MTMR10: variants seen among roughly 807,000 people sequenced by gnomAD.
MTMR10 encodes myotubularin related protein 10, also known as myotubularin-related protein 10.
Under a neutral mutation model 88.1 loss-of-function variants are expected in MTMR10, and 56 were observed. That is an observed-to-expected ratio of 0.64 (90% CI 0.51 to 0.79). The LOEUF (loss-of-function observed/expected upper bound fraction) is 0.79. Ranked by LOEUF, MTMR10 falls within the 30% of genes least tolerant of loss-of-function variation. The pLI is 0.00. For synonymous variants in MTMR10, 380 were observed against 340.9 expected (o/e 1.11, Z -1.26); for missense variants, 883 against 924.7 (o/e 0.95, Z 0.58).
At position 30,970,595 on chromosome 15, in the gene MTMR10, A is replaced by C. The variant is rs3794599; in HGVS notation, c.475-2585T>G. Among the ~76,000 whole-genome samples the C allele has an allele frequency of 1.6e-3, 250 of 152,292 alleles. 3 individuals are homozygous for C. The East Asian group carries it at 0.042, about 26-fold the overall frequency. ...AAAATGCTCCAAGCCAATAATAATA[A>C]TACTAATGTCTATCACATTCTCCAA... On this transcript the variant is annotated intron_variant, in intron 5 of 15. Transcript: ENST00000435680.
At chr15:30,929,180 A>G in the MTMR10 span, 3 of 1,606,484 alleles carry the variant, frequency 1.9e-6, no homozygotes, top group South Asian at 3.3e-5. Flanking sequence ...ACAGTATGAC[A>G]GCTTGCTTTC....
At chr15:30,966,737 A>G (rs536919533) in intron 6 of MTMR10, among the ~76,000 whole-genome samples, 1 of 152,256 alleles carries the variant, frequency 6.6e-6, no homozygotes, top group Admixed American at 6.5e-5. Context: ...AATTATGTAT[A>G]TATCGATAAG....
chr15:30,967,844 G>T, intron 6 of MTMR10, 76 bp downstream of exon 6: 1 of 1,214,000 alleles, frequency 8.2e-7, no homozygotes, highest in Non-Finnish European at 1.2e-6. Flanking sequence ...TCATGTACTT[G>T]GAGGCTTCCG....
intron 9 of MTMR10, 88 bp downstream of exon 9, chr15:30,958,775 A>C (rs2063360645): frequency 7.4e-7 from 1 of 1,359,648 alleles, no homozygotes; most frequent in East Asian, 2.3e-5. Flanking sequence ...AAGACTATGC[A>C]TTTTGTTATT....
rs1400349633 is a variant in MTMR10 at position 30,954,814 on chromosome 15, T to C, written c.1015A>G (p.Ile339Val). The C allele has an allele frequency of 6.2e-7, 1 of 1,600,512 alleles. No individual in the cohort carries two copies. The highest frequency in any genetic ancestry group is 8.5e-7 in the Non-Finnish European group (1 of 1,172,630). The change falls in exon 10 of 16, where the codon ATT becomes GTT. Residue 339 changes from isoleucine to valine, a missense_variant. Ile to Val is a conservative substitution (Grantham distance 29). This residue lies in a region of MTMR10 where 414 missense variants were observed against 423.2 expected (regional missense o/e 0.98). Coordinates refer to ENST00000435680, the MANE Select transcript of MTMR10 (RefSeq NM_017762.3). ...KSDLDKTLPN[I>V]QEVQAAFVKL... ...ACAAATGCTGCCTGTACTTCTTGAA[T>C]ATTAGGCAAGGTCTTATCCAAATCT...
At chr15:30,951,038 T>C (rs183884384) in intron 12 of MTMR10, among the ~76,000 whole-genome samples, 5 of 152,356 alleles carry the variant, frequency 3.3e-5, no homozygotes, top group Admixed American at 2.0e-4. Context: ...CCTGGGTTGG[T>C]TGACCACAGA....
chr15:30,960,828 T>C (rs1371811928), intron 7 of MTMR10, 53 bp downstream of exon 7: 2 of 1,459,608 alleles, frequency 1.4e-6, no homozygotes, highest in African/African-American at 1.4e-5. Context: ...TTGATGATTA[T>C]TCATAGGGAA....
intron 9 of MTMR10, among the ~76,000 whole-genome samples, chr15:30,955,460 C>T (rs188387068): frequency 7.9e-4 from 121 of 152,238 alleles, no homozygotes; most frequent in East Asian, 1.4e-3. Context: ...TTAGTAGAGG[C>T]GGGGTTTCAC....
At chr15:30,942,824 C>G in intron 15 of MTMR10, 66 bp downstream of exon 15, 2 of 1,445,990 alleles carry the variant, frequency 1.4e-6, no homozygotes, top group African/African-American at 2.8e-5. Context: ...TTAACGCTCT[C>G]TGTTCTGAAA....
At chr15:30,965,879 C>A in intron 6 of MTMR10, 1 of 319,176 alleles carries the variant, frequency 3.1e-6, no homozygotes, top group Non-Finnish European at 6.4e-6. Flanking sequence ...ACCTACCTGC[C>A]TGCAAAAAGG....
chr15:30,968,530 A>AAAC (rs2063498288), intron 5 of MTMR10, among the ~76,000 whole-genome samples: 1 of 108,388 alleles, frequency 9.2e-6, no homozygotes, highest in African/African-American at 4.0e-5. Flanking sequence ...TACATCAAAA[A>AAAC]AACAACACAC....
chr15:30,986,036 G>A (rs1169844726), intron 2 of MTMR10, among the ~76,000 whole-genome samples: 2 of 152,166 alleles, frequency 1.3e-5, no homozygotes, highest in Admixed American at 6.5e-5. Context: ...GTGGAAGGGG[G>A]CTGGGTGTGG....
At position 30,940,178 on chromosome 15, in the gene MTMR10, G is replaced by A. The variant is rs2062991249; in HGVS notation, c.*1292C>T. The A allele has an allele frequency of 1.0e-6, 1 of 985,448 alleles. No individual in the cohort carries two copies. The highest frequency in any genetic ancestry group is 1.2e-6 in the Non-Finnish European group (1 of 829,930). 61.0% of individuals were successfully genotyped at this position (985,448 alleles called of 1,614,324 possible). A position where few individuals can be genotyped will look rare whatever the true frequency, so the allele number is the denominator to read the frequency against. The stretch of plus-strand genomic sequence containing the variant: ...TATCCATGTTTTAAGCGGGGAATGA[G>A]GAGTGTGGGGGAGGTGGTGCCCCGT... On this transcript the variant is annotated 3_prime_UTR_variant, in exon 16 of 16. Coordinates refer to ENST00000435680, the MANE Select transcript of MTMR10 (RefSeq NM_017762.3).
At chr15:30,929,516 G>A in the MTMR10 span, 1 of 473,244 alleles carries the variant, frequency 2.1e-6, no homozygotes, top group East Asian at 4.2e-5. Context: ...GTATGTGTGT[G>A]CATATATATG....
rs557595295 is a variant in MTMR10 at position 30,943,910 on chromosome 15, T to C, written c.1549-838A>G. ...TGATGGCAGCAGGCTACCACAGCAG[T>C]GTATACACAACAGTTCGCTGGAGGA... On this transcript the variant is annotated intron_variant, in intron 14 of 15. Coordinates refer to ENST00000435680, the MANE Select transcript of MTMR10 (RefSeq NM_017762.3). The C allele has an allele frequency of 1.0e-5, 10 of 985,344 alleles. No homozygotes were observed. In the African/African-American group the frequency reaches 1.7e-4, roughly 17 times the overall value. 61.0% of individuals were successfully genotyped at this position (985,344 alleles called of 1,614,324 possible).
Position 30,947,309 on chromosome 15 carries a change from T to TA in MTMR10, c.1378-10dup, listed in dbSNP as rs776488060. 17 of 1,611,964 alleles carry TA rather than the reference T, an allele frequency of 1.1e-5. No individual in the cohort carries two copies. The highest frequency in any genetic ancestry group is 1.4e-5 in the Non-Finnish European group (17 of 1,179,112). Reference sequence around the variant, plus strand: ...AGCAAAAATAAAGGAGACTGGCAAATACAAAGAGACAATGGGATCATTTAA... The same window carrying TA: ...AGCAAAAATAAAGGAGACTGGCAAATAACAAAGAGACAATGGGATCATTTAA... On this transcript the variant is annotated splice_polypyrimidine_tract_variant and intron_variant, in intron 13 of 15. Transcript: ENST00000435680.
At position 30,939,299 on chromosome 15, in the gene MTMR10, AG is replaced by A. The variant is rs1276945477; in HGVS notation, c.*2170del. On this transcript the variant is annotated 3_prime_UTR_variant, in exon 16 of 16. Transcript: ENST00000435680. ...TACTAGAAATTTCACCCAGTGCATC[AG>A]CATCTGTGCGGCATTCCCTCAGCAC... The A allele has an allele frequency of 5.1e-6, 5 of 985,386 alleles. No individual in the cohort carries two copies. The highest frequency in any genetic ancestry group is 3.6e-6 in the Non-Finnish European group (3 of 829,964). The allele number at this position is 985,386 out of a possible 1,614,324, so 61.0% of individuals were successfully genotyped here.
rs747207145 is a variant in MTMR10 at position 30,938,958 on chromosome 15, T to C, written c.*2512A>G. On this transcript the variant is annotated 3_prime_UTR_variant, in exon 16 of 16. Coordinates refer to ENST00000435680, the MANE Select transcript of MTMR10 (RefSeq NM_017762.3). ...CAACAACAAACAGTCGCTGTGGAAT[T>C]TTATTAAGCCATCAAAATTTCCTTC... 2.0e-6 allele frequency: 2 copies of C among 985,294 alleles called. No homozygotes were observed. Among genetic ancestry groups the C allele is most frequent in the African/African-American group, 3.5e-5 (2 of 57,224 alleles). The allele number at this position is 985,294 out of a possible 1,614,324, so 61.0% of individuals were successfully genotyped here.
downstream of MTMR10, chr15:30,937,286 ACAT>A: frequency 6.3e-7 from 1 of 1,582,700 alleles, no homozygotes; most frequent in Non-Finnish European, 8.6e-7. Context: ...ATTTGGTCAT[ACAT>A]TAATGTAAGA....
Sources: gnomAD v4.1 joint callset for allele counts (sites outside exome capture counted in the v4.1 genomes callset) on GRCh38, gnomAD v4.1.1 for gene constraint, gnomAD v4.1.1 regional missense constraint, MANE v1.5 for transcripts, NCBI Gene and HGNC (gene_info 2026-07-23, HGNC 2026-07-21) for gene names.